SPATA6: variants seen among roughly 807,000 people sequenced by gnomAD.
SPATA6 encodes spermatogenesis associated 6.
SPATA6 carries 56 observed loss-of-function variants against 65.3 expected under a neutral mutation model. The ratio of observed to expected loss-of-function variants is 0.86; its 90% CI spans 0.69 to 1.07. The LOEUF (loss-of-function observed/expected upper bound fraction) is 1.07, where lower values mean the gene tolerates loss of function less well. Among genes scored for constraint, SPATA6 ranks in the 50% least tolerant of loss-of-function variants. The pLI, the probability that SPATA6 is intolerant of heterozygous loss-of-function variation, is 0.00. For synonymous variants in SPATA6, 199 were observed against 213.2 expected (o/e 0.93, Z 0.58); for missense variants, 590 against 594.8 (o/e 0.99, Z 0.08).
chr1:48,264,738 C>T, the SPATA6 span, among the ~76,000 whole-genome samples: 15 of 152,136 alleles, frequency 9.9e-5, no homozygotes, highest in African/African-American at 1.9e-4. Context: ...ATGGTATATA[C>T]GTACCACATT....
Position 48,455,809 on chromosome 1 carries a change from C to G in SPATA6, c.52-2678G>C, listed in dbSNP as rs115749323. On this transcript the variant is annotated intron_variant, in intron 1 of 12. Coordinates refer to ENST00000371847, the MANE Select transcript of SPATA6 (RefSeq NM_019073.4). ...GTCCTCATTGGAAACTGCTGAAGCT[C>G]TATCCAATTTGTAACATATGCAAGA... Among the ~76,000 whole-genome samples, 845 of 152,262 alleles carry G rather than the reference C, an allele frequency of 5.5e-3. 8 individuals are homozygous for G. The highest frequency in any genetic ancestry group is 0.019 in the African/African-American group (797 of 41,538).
chr1:48,462,591 T>G (rs765780577), intron 1 of SPATA6, among the ~76,000 whole-genome samples: 8 of 152,154 alleles, frequency 5.3e-5, no homozygotes, highest in Non-Finnish European at 8.8e-5. Context: ...TAATATGGAA[T>G]TGAATTTCAG....
At chr1:48,328,932 A>C (rs1460739481) in intron 11 of SPATA6, among the ~76,000 whole-genome samples, 3 of 152,274 alleles carry the variant, frequency 2.0e-5, no homozygotes, top group African/African-American at 7.2e-5. Context: ...TGAACACCAT[A>C]ATAAACATGA....
chr1:48,368,492 T>C (rs1362119649), intron 9 of SPATA6, among the ~76,000 whole-genome samples: 1 of 152,200 alleles, frequency 6.6e-6, no homozygotes, highest in Non-Finnish European at 1.5e-5. Context: ...CTTTGTTCGT[T>C]TCTTTTTATT....
At chr1:48,425,858 C>T (rs1653789052) in intron 3 of SPATA6, among the ~76,000 whole-genome samples, 1 of 151,662 alleles carries the variant, frequency 6.6e-6, no homozygotes, top group African/African-American at 2.4e-5. Context: ...AAAAATGCTT[C>T]TTGAAGATTA....
chr1:48,329,508 T>C (rs956429298), intron 11 of SPATA6, among the ~76,000 whole-genome samples: 1 of 152,130 alleles, frequency 6.6e-6, no homozygotes, highest in African/African-American at 2.4e-5. Context: ...GGGGGACAAA[T>C]TAAACTCGAA....
At chr1:48,347,146 C>T (rs1009088025) in intron 11 of SPATA6, among the ~76,000 whole-genome samples, 1 of 151,736 alleles carries the variant, frequency 6.6e-6, no homozygotes, top group African/African-American at 2.4e-5. Flanking sequence ...GAACAGAGAA[C>T]CCAGAAATAA....
chr1:48,359,500 T>A, intron 10 of SPATA6, 86 bp downstream of exon 10: 1 of 1,416,482 alleles, frequency 7.1e-7, no homozygotes. Flanking sequence ...TTTATAAACA[T>A]TCATTTCACA....
the SPATA6 span, among the ~76,000 whole-genome samples, chr1:48,283,371 G>T: frequency 6.6e-6 from 1 of 151,116 alleles, no homozygotes; most frequent in African/African-American, 2.4e-5. Context: ...TTTTAAAAAA[G>T]ATATTCTGAA....
intron 1 of SPATA6, among the ~76,000 whole-genome samples, chr1:48,454,313 T>C (rs1241693389): frequency 6.6e-6 from 1 of 152,132 alleles, no homozygotes; most frequent in East Asian, 1.9e-4. Flanking sequence ...TTCTCTTTTC[T>C]TGACTCATGT....
At chr1:48,320,162 G>A (rs928208386) in intron 11 of SPATA6, among the ~76,000 whole-genome samples, 1 of 152,152 alleles carries the variant, frequency 6.6e-6, no homozygotes, top group African/African-American at 2.4e-5. Context: ...GCCTTAAAGA[G>A]GAGGTAGAAA....
intron 12 of SPATA6, 92 bp downstream of exon 12, chr1:48,305,695 T>C (rs779514685): frequency 9.1e-5 from 83 of 913,866 alleles, no homozygotes; most frequent in Non-Finnish European, 1.3e-4. Flanking sequence ...TAATTATCCT[T>C]TTGAGTCTAA....
chr1:48,412,914 C>T (rs1234270509), intron 4 of SPATA6, among the ~76,000 whole-genome samples, 196 bp downstream of exon 4: 1 of 151,710 alleles, frequency 6.6e-6, no homozygotes, highest in Admixed American at 6.6e-5. Context: ...CCACTATGCC[C>T]GGCCTGAAAA....
chr1:48,429,976 G>A (rs181876418), intron 3 of SPATA6, among the ~76,000 whole-genome samples: 1 of 152,216 alleles, frequency 6.6e-6, no homozygotes, highest in African/African-American at 2.4e-5. Flanking sequence ...AGAAAAGTGA[G>A]CAGCCTAAGG....
At chr1:48,312,311 C>T (rs1174342413) in intron 11 of SPATA6, among the ~76,000 whole-genome samples, 1 of 152,142 alleles carries the variant, frequency 6.6e-6, no homozygotes, top group East Asian at 1.9e-4. Context: ...CTGGGAGGCA[C>T]CCCCCAGTAG....
chr1:48,363,538 A>G (rs1171838882), intron 9 of SPATA6, among the ~76,000 whole-genome samples: 2 of 152,142 alleles, frequency 1.3e-5, no homozygotes, highest in East Asian at 1.9e-4. Flanking sequence ...ACTAGTGGAG[A>G]GCTTGGCTCA....
At chr1:48,457,728 C>G (rs1365969595) in intron 1 of SPATA6, among the ~76,000 whole-genome samples, 6 of 152,074 alleles carry the variant, frequency 3.9e-5, no homozygotes, top group Non-Finnish European at 7.4e-5. Context: ...AGCAGAACTT[C>G]CCTATCAAAA....
In SPATA6 at chr1:48,443,811, C is replaced by T. The variant is rs140480946; in HGVS notation, c.238+7741G>A. Among the ~76,000 whole-genome samples the T allele has an allele frequency of 8.6e-3, 1,303 of 152,344 alleles. 22 individuals carry two copies. Among genetic ancestry groups the T allele is most frequent in the African/African-American group, 0.03 (1,262 of 41,596 alleles). Reference sequence around the variant, plus strand: ...CAGCCATCTTGCTATTACTCGCCTTCAGGCCCTGTATTTTTAACCTCCTTG... The same window carrying T: ...CAGCCATCTTGCTATTACTCGCCTTTAGGCCCTGTATTTTTAACCTCCTTG... On this transcript the variant is annotated intron_variant, in intron 3 of 12. Transcript: ENST00000371847.
chr1:48,386,685 C>T (rs72893285), intron 8 of SPATA6, among the ~76,000 whole-genome samples: 2,280 of 152,304 alleles, frequency 0.015, 54 homozygotes, highest in African/African-American at 0.052. Context: ...TGGATCCCTA[C>T]GATACCAGGC....
Sources: gnomAD v4.1 joint callset for allele counts (sites outside exome capture counted in the v4.1 genomes callset) on GRCh38, gnomAD v4.1.1 for gene constraint, MANE v1.5 for transcripts, NCBI Gene and HGNC (gene_info 2026-07-23, HGNC 2026-07-21) for gene names.